Variants in CCSER1 observed in about 807,000 individuals in gnomAD.
CCSER1 encodes coiled-coil serine rich protein 1, also known as serine-rich coiled-coil domain-containing protein 1.
Under a neutral mutation model 82.0 loss-of-function variants are expected in CCSER1, and 41 were observed. The observed-to-expected ratio is 0.50, with a 90% confidence interval of 0.39 to 0.65. CCSER1 has a LOEUF of 0.65. CCSER1 is among the 30% of genes least tolerant of loss of function. The pLI is 0.00. For missense variants in CCSER1, 1,119 were observed against 1,064.2 expected, an observed-to-expected ratio of 1.05 and a Z score of -0.72; for synonymous variants, 414 against 383.9, an observed-to-expected ratio of 1.08 and a Z score of -0.92.
At chr4:90,661,915 A>AAAAG (rs1730867627) in intron 6 of CCSER1, among the ~76,000 whole-genome samples, 1 of 150,620 alleles carries the variant, frequency 6.6e-6, no homozygotes, top group Non-Finnish European at 1.5e-5. Context: ...AAAAAAAAAA[A>AAAAG]ATTTATTTTA....
intron 10 of CCSER1, among the ~76,000 whole-genome samples, chr4:91,492,605 G>A (rs772940424): frequency 2.0e-5 from 3 of 152,020 alleles, no homozygotes; most frequent in Non-Finnish European, 4.4e-5. Context: ...TGATGTCATG[G>A]CGTGAACTTA....
intron 6 of CCSER1, among the ~76,000 whole-genome samples, chr4:90,711,880 TC>T (rs1015064225): frequency 3.9e-5 from 6 of 151,998 alleles, no homozygotes; most frequent in African/African-American, 1.2e-4. Flanking sequence ...CTTTTTAATT[TC>T]TTGGTATAGT....
rs544812755 is a variant in CCSER1 at position 91,100,933 on chromosome 4, T to A, written c.2217+14939T>A. Among the ~76,000 whole-genome samples, 17 of 152,322 alleles carry A rather than the reference T, an allele frequency of 1.1e-4. 1 individual carries two copies. In the South Asian group the frequency reaches 3.5e-3, roughly 32 times the overall value. ...AAAATAACAGTACACTCAGTTTAAC[T>A]TTTTTCTTCTTCTTTGGAAGTGTTT... On this transcript the variant is annotated intron_variant, in intron 10 of 10. Coordinates refer to ENST00000509176, the MANE Select transcript of CCSER1 (RefSeq NM_001145065.2).
chr4:91,146,514 G>A (rs186828201), intron 10 of CCSER1, among the ~76,000 whole-genome samples: 87 of 151,834 alleles, frequency 5.7e-4, no homozygotes, highest in East Asian at 7.7e-4. Context: ...AACTGTTGGC[G>A]TTTTTGTGCT....
At chr4:90,442,270 C>A (rs987194479) in intron 4 of CCSER1, among the ~76,000 whole-genome samples, 4 of 152,040 alleles carry the variant, frequency 2.6e-5, no homozygotes, top group African/African-American at 9.7e-5. Flanking sequence ...TCAGAGAAAC[C>A]CCTGAGGAGG....
chr4:90,385,245 C>T (rs1749844063), intron 3 of CCSER1, among the ~76,000 whole-genome samples: 1 of 151,614 alleles, frequency 6.6e-6, no homozygotes, highest in Admixed American at 6.6e-5. Context: ...TGTAGATACC[C>T]AGTAGTGGGA....
At chr4:91,043,686 G>T (rs188256120) in intron 9 of CCSER1, among the ~76,000 whole-genome samples, 3 of 148,314 alleles carry the variant, frequency 2.0e-5, no homozygotes, top group Admixed American at 1.4e-4. Context: ...CACTTCCCGG[G>T]TTCATGCGAT....
chr4:91,292,973 G>T (rs552503527), intron 10 of CCSER1, among the ~76,000 whole-genome samples: 1 of 151,830 alleles, frequency 6.6e-6, no homozygotes, highest in East Asian at 1.9e-4. Context: ...TTAAGTATAC[G>T]GTTCCTTCAG....
chr4:90,927,754 C>T (rs1729241065), intron 9 of CCSER1, among the ~76,000 whole-genome samples: 1 of 151,962 alleles, frequency 6.6e-6, no homozygotes, highest in Admixed American at 6.6e-5. Flanking sequence ...TTTGGTGGTG[C>T]TCCTGGCGCA....
At chr4:90,276,973 G>A (rs1302002816) in intron 1 of CCSER1, among the ~76,000 whole-genome samples, 1 of 152,074 alleles carries the variant, frequency 6.6e-6, no homozygotes, top group Non-Finnish European at 1.5e-5. Flanking sequence ...CATTACTGAA[G>A]TCATTTTCAG....
At chr4:91,402,898 G>A (rs1425472075) in intron 10 of CCSER1, among the ~76,000 whole-genome samples, 1 of 152,140 alleles carries the variant, frequency 6.6e-6, no homozygotes, top group Non-Finnish European at 1.5e-5. Context: ...GGTTCCATAT[G>A]AACTTTAAAG....
intron 3 of CCSER1, among the ~76,000 whole-genome samples, chr4:90,336,256 A>G (rs1277029602): frequency 2.0e-5 from 3 of 152,370 alleles, no homozygotes; most frequent in African/African-American, 7.2e-5. Context: ...TTAAAGGACT[A>G]AAGAGACAAT....
intron 1 of CCSER1, among the ~76,000 whole-genome samples, chr4:90,283,879 T>A (rs1729339766): frequency 1.3e-5 from 2 of 152,114 alleles, no homozygotes; most frequent in African/African-American, 4.8e-5. Flanking sequence ...GGTAGCTCTT[T>A]TTTTAGTTTT....
chr4:90,715,092 C>A (rs143989066), intron 6 of CCSER1, among the ~76,000 whole-genome samples: 97 of 151,994 alleles, frequency 6.4e-4, no homozygotes, highest in African/African-American at 2.0e-3. Flanking sequence ...AAACAAAGAA[C>A]CTTTAGGTCT....
At chr4:90,506,824 T>G (rs776333434) in intron 5 of CCSER1, among the ~76,000 whole-genome samples, 3 of 152,156 alleles carry the variant, frequency 2.0e-5, no homozygotes, top group African/African-American at 7.2e-5. Context: ...TAAACATTGT[T>G]AAACTAAATA....
At chr4:90,620,674 T>C (rs1722145369) in intron 5 of CCSER1, among the ~76,000 whole-genome samples, 1 of 152,084 alleles carries the variant, frequency 6.6e-6, no homozygotes, top group Admixed American at 6.6e-5. Context: ...CCCCTTCAAG[T>C]AAAAGACAAA....
intron 10 of CCSER1, among the ~76,000 whole-genome samples, chr4:91,388,756 TA>T (rs1238496674): frequency 6.6e-6 from 1 of 152,078 alleles, no homozygotes; most frequent in Non-Finnish European, 1.5e-5. Flanking sequence ...AGCTTTATAA[TA>T]GGTCTCAAAG....
chr4:90,743,531 A>AT (rs1435321137), intron 7 of CCSER1, among the ~76,000 whole-genome samples: 1 of 152,200 alleles, frequency 6.6e-6, no homozygotes, highest in Non-Finnish European at 1.5e-5. Flanking sequence ...ACAAACATTG[A>AT]TTCTTGTAGG....
At chr4:91,462,745 G>A (rs570610082) in intron 10 of CCSER1, among the ~76,000 whole-genome samples, 7 of 152,280 alleles carry the variant, frequency 4.6e-5, no homozygotes, top group Non-Finnish European at 8.8e-5. Context: ...CCACACCCAC[G>A]GAGCCTCGCT....
Sources: allele counts gnomAD v4.1 joint callset (sites outside exome capture counted in the v4.1 genomes callset), GRCh38; gene constraint gnomAD v4.1.1; transcripts MANE v1.5; gene names NCBI Gene and HGNC (gene_info 2026-07-23, HGNC 2026-07-21).